Variants in WDR27 observed in about 807,000 individuals in gnomAD.
The protein encoded by WDR27 is WD repeat-containing protein 27.
A neutral mutation model predicts 114.4 loss-of-function variants in WDR27; 100 were observed. The observed-to-expected ratio is 0.87, with a 90% CI of 0.74 to 1.03. The LOEUF (loss-of-function observed/expected upper bound fraction) is 1.03, where lower values mean the gene tolerates loss of function less well. WDR27 is among the 50% of genes least tolerant of loss of function. WDR27 has a pLI of 0.00. For synonymous variants in WDR27, 449 were observed against 423.1 expected (o/e 1.06, Z -0.75); for missense variants, 1,129 against 1,092.9 (o/e 1.03, Z -0.47).
chr6:169,617,299 C>T (rs1230749576), intron 21 of WDR27, among the ~76,000 whole-genome samples: 1 of 152,182 alleles, frequency 6.6e-6, no homozygotes, highest in Non-Finnish European at 1.5e-5. Flanking sequence ...GAGGCGGTGC[C>T]TGATGTATGT....
intron 8 of WDR27, among the ~76,000 whole-genome samples, chr6:169,662,719 G>A (rs1826618926): frequency 7.4e-6 from 1 of 134,348 alleles, no homozygotes; most frequent in African/African-American, 2.9e-5. Context: ...AGCATGACGC[G>A]TGTGCACCGC....
intron 1 of WDR27, among the ~76,000 whole-genome samples, chr6:169,691,163 C>T (rs1055771802): frequency 2.0e-5 from 3 of 151,944 alleles, no homozygotes; most frequent in Admixed American, 1.3e-4. Context: ...TGCAGTGAGC[C>T]GAGATCGCGC....
downstream of WDR27, among the ~76,000 whole-genome samples, chr6:169,456,246 G>T (rs1784340200): frequency 6.6e-6 from 1 of 152,164 alleles, no homozygotes; most frequent in Non-Finnish European, 1.5e-5. The surrounding 1 kb of genome is among the most constrained non-coding windows in gnomAD (Gnocchi z 4.0). Context: ...CGAGAAAAAT[G>T]CAGGCACATT....
chr6:169,647,737 T>G lies in WDR27; in HGVS notation c.1657+36A>C, dbSNP rs533378236. The G allele has an allele frequency of 4.8e-5, 71 of 1,488,088 alleles. No homozygotes were observed. The African/African-American group carries it at 6.8e-4, about 14-fold the overall frequency. The allele number at this position is 1,488,088 out of a possible 1,614,324, so 92.2% of individuals were successfully genotyped here. A position where few individuals can be genotyped will look rare whatever the true frequency, so the allele number is the denominator to read the frequency against. On this transcript the variant is annotated intron_variant, in intron 16 of 25. Coordinates refer to ENST00000448612, the MANE Select transcript of WDR27 (RefSeq NM_182552.5). ...TGGGCAGAATCAAAGACTCTTACAA[T>G]GAAATGCTACCCAGCTCCCGCAGGA...
At chr6:169,610,148 T>G (rs1031143270) in intron 22 of WDR27, among the ~76,000 whole-genome samples, 1 of 152,208 alleles carries the variant, frequency 6.6e-6, no homozygotes, top group African/African-American at 2.4e-5. Context: ...ACTTGCAAAC[T>G]TTCCCACATT....
chr6:169,664,827 T>C (rs1207879502), intron 7 of WDR27: 1 of 993,176 alleles, frequency 1.0e-6, no homozygotes, highest in Admixed American at 5.8e-5. Flanking sequence ...TGTGTAAAGA[T>C]GACAGGAAAG....
At chr6:169,430,257 G>A in the WDR27 span, among the ~76,000 whole-genome samples, 9 of 152,332 alleles carry the variant, frequency 5.9e-5, no homozygotes, top group Middle Eastern at 6.8e-3. Flanking sequence ...GTGAGCACCC[G>A]CCTACCTGCT....
At chr6:169,482,965 T>C (rs1003614287) in intron 25 of WDR27, among the ~76,000 whole-genome samples, 3 of 152,178 alleles carry the variant, frequency 2.0e-5, no homozygotes, top group Non-Finnish European at 4.4e-5. Context: ...AAGGCAGATA[T>C]CAAGGAGTTC....
chr6:169,450,525 C>T, the WDR27 span, among the ~76,000 whole-genome samples: 1 of 152,260 alleles, frequency 6.6e-6, no homozygotes, highest in Admixed American at 6.5e-5. Flanking sequence ...TGTGCCTCTC[C>T]CGTTTAAGGG....
In WDR27 at chr6:169,685,825, A is replaced by G. The variant is rs76551614; in HGVS notation, c.189+2992T>C. 7.9e-3 allele frequency among the ~76,000 whole-genome samples: 1,203 copies of G among 152,316 alleles called. 11 individuals carry two copies. Among genetic ancestry groups the G allele is most frequent in the Middle Eastern group, 0.014 (4 of 294 alleles). ...GCAGAGAACGTCTCAAGTCTTGGGAAAGAGATGGAAATCCAGGTTCAGGAA... is the reference window on the plus strand; with the variant it reads ...GCAGAGAACGTCTCAAGTCTTGGGAGAGAGATGGAAATCCAGGTTCAGGAA... On this transcript the variant is annotated intron_variant, in intron 2 of 25. Coordinates refer to ENST00000448612, the MANE Select transcript of WDR27 (RefSeq NM_182552.5).
intron 25 of WDR27, among the ~76,000 whole-genome samples, chr6:169,513,785 G>C (rs1404851842): frequency 1.3e-5 from 2 of 151,724 alleles, no homozygotes; most frequent in African/African-American, 2.4e-5. Flanking sequence ...TCATTCACTT[G>C]TTTAACATAG....
At chr6:169,626,051 A>T (rs1451667040) in intron 21 of WDR27, among the ~76,000 whole-genome samples, 1 of 152,238 alleles carries the variant, frequency 6.6e-6, no homozygotes, top group Non-Finnish European at 1.5e-5. Flanking sequence ...GTCTGCATGC[A>T]GCCTCGGGCT....
intron 25 of WDR27, among the ~76,000 whole-genome samples, chr6:169,529,544 T>G (rs935682243): frequency 6.6e-6 from 1 of 152,236 alleles, no homozygotes; most frequent in Non-Finnish European, 1.5e-5. Context: ...CTACAAAGAC[T>G]CTACTAAGAA....
intron 23 of WDR27, among the ~76,000 whole-genome samples, chr6:169,585,239 T>G (rs1804313755): frequency 6.6e-6 from 1 of 152,246 alleles, no homozygotes; most frequent in African/African-American, 2.4e-5. Context: ...ACCTTGGCAA[T>G]AATATTTTGA....
intron 25 of WDR27, among the ~76,000 whole-genome samples, chr6:169,465,269 A>G (rs1386207553): frequency 6.6e-6 from 1 of 151,352 alleles, no homozygotes. Context: ...AAAAAAAAAA[A>G]AAAAAAAAAA....
rs550977002 is a variant in WDR27 at position 169,630,763 on chromosome 6, A to G, written c.2223+2184T>C. On this transcript the variant is annotated intron_variant, in intron 21 of 25. Coordinates refer to ENST00000448612, the MANE Select transcript of WDR27 (RefSeq NM_182552.5). Reference sequence around the variant, plus strand: ...ACAAAAATTAGCCAGGCGTGGTGGCACGCGCCTGTAATCCCAGCTACTCGG... The same window carrying G: ...ACAAAAATTAGCCAGGCGTGGTGGCGCGCGCCTGTAATCCCAGCTACTCGG... Among the ~76,000 whole-genome samples, 4 of 152,110 alleles carry G rather than the reference A, an allele frequency of 2.6e-5. No homozygotes were observed. The South Asian group carries it at 8.3e-4, about 32-fold the overall frequency.
intron 16 of WDR27, among the ~76,000 whole-genome samples, chr6:169,647,008 G>C (rs1043070431): frequency 6.6e-6 from 1 of 152,190 alleles, no homozygotes; most frequent in Non-Finnish European, 1.5e-5. Context: ...ATGAGGGTAG[G>C]GCAGGGTACC....
At chr6:169,639,246 C>T (rs907078122) in intron 17 of WDR27, among the ~76,000 whole-genome samples, 7 of 151,934 alleles carry the variant, frequency 4.6e-5, no homozygotes, top group African/African-American at 1.7e-4. Context: ...GTGCTGGGTA[C>T]TGTGTGGTGC....
chr6:169,431,258 C>T, the WDR27 span, among the ~76,000 whole-genome samples: 284 of 152,256 alleles, frequency 1.9e-3, 3 homozygotes, highest in African/African-American at 6.6e-3. Context: ...GTATGTGTGT[C>T]CTAAATTGCA....
Sources: gnomAD v4.1 joint callset for allele counts (sites outside exome capture counted in the v4.1 genomes callset) on GRCh38, gnomAD v4.1.1 for gene constraint, Gnocchi (gnomAD v3.1) non-coding constraint, MANE v1.5 for transcripts, NCBI Gene and HGNC (gene_info 2026-07-23, HGNC 2026-07-21) for gene names.